RANBP2: variants seen among roughly 807,000 people sequenced by gnomAD.
RANBP2 encodes RAN binding protein 2, also known as E3 SUMO-protein ligase RanBP2.
A neutral mutation model predicts 303.6 loss-of-function variants in RANBP2; 57 were observed. That is an observed-to-expected ratio of 0.19 (90% CI 0.15 to 0.23). RANBP2 has a LOEUF of 0.23. Ranked by LOEUF, RANBP2 falls within the 10% of genes least tolerant of loss-of-function variation. The pLI is 1.00. For missense variants in RANBP2, 3,138 were observed against 3,780.8 expected (o/e 0.83, Z 4.46); for synonymous variants, 1,167 against 1,301.5 (o/e 0.90, Z 2.23).
the RANBP2 span, among the ~76,000 whole-genome samples, chr2:108,850,749 C>T: frequency 6.6e-6 from 1 of 152,236 alleles, no homozygotes; most frequent in Middle Eastern, 3.4e-3. Context: ...CTGCGCCTGG[C>T]CAGTTGGTGA....
At chr2:108,815,470 T>G in the RANBP2 span, among the ~76,000 whole-genome samples, 1 of 137,438 alleles carries the variant, frequency 7.3e-6, no homozygotes, top group African/African-American at 2.8e-5. Context: ...TGTTTTTTTT[T>G]TTTTTTTTTT....
At chr2:109,448,722 G>T in the RANBP2 span, among the ~76,000 whole-genome samples, 1 of 152,144 alleles carries the variant, frequency 6.6e-6, no homozygotes, top group Non-Finnish European at 1.5e-5. Context: ...AGTAATAATA[G>T]AAATAAAGTA....
At chr2:109,427,249 G>T in the RANBP2 span, among the ~76,000 whole-genome samples, 1 of 152,156 alleles carries the variant, frequency 6.6e-6, no homozygotes, top group South Asian at 2.1e-4. Flanking sequence ...GATTACAGGC[G>T]TGAGTCACCG....
chr2:109,242,889 A>G, the RANBP2 span, among the ~76,000 whole-genome samples: 3,054 of 152,312 alleles, frequency 0.02, 111 homozygotes, highest in African/African-American at 0.069. Context: ...GGGAACAGGC[A>G]TCCAAAAACC....
the RANBP2 span, among the ~76,000 whole-genome samples, chr2:109,484,463 C>T: frequency 6.6e-6 from 1 of 152,120 alleles, no homozygotes; most frequent in Non-Finnish European, 1.5e-5. Context: ...CTGTTCCACA[C>T]CTCTGACCAC....
chr2:109,048,243 C>T, the RANBP2 span, among the ~76,000 whole-genome samples: 1 of 152,164 alleles, frequency 6.6e-6, no homozygotes, highest in African/African-American at 2.4e-5. Flanking sequence ...TTTCTTGCTA[C>T]GTGATTTATT....
chr2:109,237,070 T>C, the RANBP2 span, among the ~76,000 whole-genome samples: 2 of 152,078 alleles, frequency 1.3e-5, no homozygotes, highest in East Asian at 3.9e-4. Flanking sequence ...CTGCAAACAA[T>C]GTTAAAATAA....
At chr2:109,573,874 C>G in the RANBP2 span, among the ~76,000 whole-genome samples, 1 of 152,026 alleles carries the variant, frequency 6.6e-6, no homozygotes, top group Non-Finnish European at 1.5e-5. Context: ...TCAGTATGGT[C>G]CAAATTAAAA....
chr2:109,388,649 A>C, the RANBP2 span, among the ~76,000 whole-genome samples: 1 of 152,248 alleles, frequency 6.6e-6, no homozygotes, highest in Non-Finnish European at 1.5e-5. Flanking sequence ...TATGCATGGA[A>C]TAGGTGTTTA....
At chr2:108,901,389 A>C in the RANBP2 span, among the ~76,000 whole-genome samples, 1 of 152,242 alleles carries the variant, frequency 6.6e-6, no homozygotes, top group Non-Finnish European at 1.5e-5. Flanking sequence ...TCAAGTTAAC[A>C]ATCTAAGCTC....
At chr2:109,126,815 C>T in the RANBP2 span, among the ~76,000 whole-genome samples, 1 of 152,206 alleles carries the variant, frequency 6.6e-6, no homozygotes, top group Non-Finnish European at 1.5e-5. Context: ...GAGTTGGTTT[C>T]TGTTGCTTGC....
chr2:109,434,102 C>T, the RANBP2 span, among the ~76,000 whole-genome samples: 2 of 152,230 alleles, frequency 1.3e-5, no homozygotes, highest in African/African-American at 2.4e-5. Context: ...GAGTTGGGCT[C>T]ACCTGTCGTG....
the RANBP2 span, among the ~76,000 whole-genome samples, chr2:109,255,736 T>C: frequency 9.2e-5 from 14 of 152,340 alleles, no homozygotes; most frequent in South Asian, 2.9e-3. Context: ...GATAAGCTAC[T>C]TCTAGGGCCA....
the RANBP2 span, among the ~76,000 whole-genome samples, chr2:108,947,291 G>A: frequency 6.6e-6 from 1 of 152,156 alleles, no homozygotes; most frequent in Non-Finnish European, 1.5e-5. Flanking sequence ...TACAGCTCCT[G>A]TAACTGCTTT....
chr2:109,654,705 G>C, the RANBP2 span, among the ~76,000 whole-genome samples: 503 of 152,194 alleles, frequency 3.3e-3, 2 homozygotes, highest in African/African-American at 0.012. Flanking sequence ...TCCTTGGACT[G>C]CTTCTGGGAT....
the RANBP2 span, among the ~76,000 whole-genome samples, chr2:108,829,077 T>G: frequency 6.6e-6 from 1 of 152,170 alleles, no homozygotes; most frequent in Non-Finnish European, 1.5e-5. Flanking sequence ...CTTCATGATA[T>G]TAGATTTGGC....
the RANBP2 span, among the ~76,000 whole-genome samples, chr2:108,962,801 C>T: frequency 6.6e-6 from 1 of 151,994 alleles, no homozygotes; most frequent in African/African-American, 2.4e-5. Context: ...AACCGCAGTA[C>T]CATTCTGTCC....
the RANBP2 span, among the ~76,000 whole-genome samples, chr2:109,279,344 A>G: frequency 1.3e-5 from 2 of 152,210 alleles, no homozygotes; most frequent in African/African-American, 4.8e-5. Context: ...GTTCAAGCAC[A>G]CTGACAATTA....
At chr2:108,844,452 C>T in the RANBP2 span, among the ~76,000 whole-genome samples, 3 of 152,064 alleles carry the variant, frequency 2.0e-5, no homozygotes, top group Non-Finnish European at 4.4e-5. Context: ...ATGAGATTTT[C>T]TAAAAGCGTA....
Sources: allele counts gnomAD v4.1 joint callset (sites outside exome capture counted in the v4.1 genomes callset), GRCh38; gene constraint gnomAD v4.1.1; transcripts MANE v1.5; gene names NCBI Gene and HGNC (gene_info 2026-07-23, HGNC 2026-07-21).